Variants in RUFY4 observed in about 807,000 individuals in gnomAD.
The protein encoded by RUFY4 is RUN and FYVE domain containing 4.
In RUFY4, 73 loss-of-function variants were observed where a neutral mutation model predicts 69.0. The ratio of observed to expected loss-of-function variants is 1.06; its 90% CI spans 0.88 to 1.29. The LOEUF (loss-of-function observed/expected upper bound fraction) is 1.29. RUFY4 is among the 50% of genes most tolerant of loss of function. The pLI, the probability that RUFY4 is intolerant of heterozygous loss-of-function variation, is 0.00. For missense variants in RUFY4, 770 were observed against 705.6 expected (o/e 1.09, Z -1.03); for synonymous variants, 287 against 271.8 (o/e 1.06, Z -0.55).
intron 9 of RUFY4, among the ~76,000 whole-genome samples, chr2:218,087,510 G>A (rs6726126): frequency 0.62 from 93,740 of 151,992 alleles, 30,732 homozygotes; most frequent in African/African-American, 0.85. Flanking sequence ...ATGAAGAAAT[G>A]AATACATGAG....
intron 3 of RUFY4, chr2:218,060,527 T>C (rs1391652479): frequency 1.6e-6 from 2 of 1,288,974 alleles, no homozygotes; most frequent in Non-Finnish European, 2.3e-6. Flanking sequence ...AGAATCTCAG[T>C]GGCATCCAGG....
intron 3 of RUFY4, among the ~76,000 whole-genome samples, chr2:218,058,865 CT>C (rs1321599641): frequency 6.6e-6 from 1 of 152,176 alleles, no homozygotes; most frequent in African/African-American, 2.4e-5. Context: ...AGTCCCACCC[CT>C]GACACTCCTG....
At position 218,075,416 on chromosome 2, in the gene RUFY4, G is replaced by A. The variant is rs1262244074; in HGVS notation, c.924G>A (p.Glu308=). 1.9e-6 allele frequency: 3 copies of A among 1,612,802 alleles called. No homozygotes were observed. The Admixed American group carries it at 5.0e-5, about 27-fold the overall frequency. ...AGGGGGCTATGGGCACTCAGAAGGA[G>A]GTGATAGGGATGGAGGCTGAGGTCA... Residue 308 remains glutamate, a synonymous_variant, in exon 7 of 11, where the codon GAG becomes GAA. Coordinates refer to ENST00000344321, the Ensembl canonical transcript of RUFY4.
intron 8 of RUFY4, among the ~76,000 whole-genome samples, chr2:218,080,335 G>T (rs1464437442): frequency 6.6e-6 from 1 of 152,332 alleles, no homozygotes. Context: ...CAGAGCACAG[G>T]CTGGGGGCAG....
At chr2:218,089,719 A>G in intron 10 of RUFY4, 1 of 703,788 alleles carries the variant, frequency 1.4e-6, no homozygotes, top group Non-Finnish European at 2.6e-6. Context: ...GAGGAAAGTG[A>G]GCCACCAGGA....
At chr2:218,090,025 G>T (rs760063589) in exon 11 of RUFY4, 2 of 1,557,328 alleles carry the variant, frequency 1.3e-6, no homozygotes, top group Non-Finnish European at 8.7e-7. Flanking sequence ...CCCACCCTGC[G>T]CCCAGGGAAG....
At chr2:218,065,128 C>T (rs1246350940), upstream of RUFY4, among the ~76,000 whole-genome samples, 1 of 152,276 alleles carries the variant, frequency 6.6e-6, no homozygotes, top group Non-Finnish European at 1.5e-5. Flanking sequence ...CCATTTTCAA[C>T]GTCCTCCCAC....
intron 9 of RUFY4, among the ~76,000 whole-genome samples, chr2:218,084,319 C>T (rs1031320289): frequency 2.0e-5 from 3 of 151,888 alleles, no homozygotes; most frequent in East Asian, 1.9e-4. Context: ...GCAACCTCTG[C>T]GTCCCGGATT....
At chr2:218,088,982 T>G (rs144957386) in intron 9 of RUFY4, among the ~76,000 whole-genome samples, 193 of 152,064 alleles carry the variant, frequency 1.3e-3, no homozygotes, top group Non-Finnish European at 2.2e-3. Flanking sequence ...TCTCTCTCTC[T>G]GAGTAACCAT....
At chr2:218,088,620 G>A (rs1689948873) in intron 9 of RUFY4, among the ~76,000 whole-genome samples, 1 of 152,164 alleles carries the variant, frequency 6.6e-6, no homozygotes, top group African/African-American at 2.4e-5. Flanking sequence ...GGGCCTCTGT[G>A]ATCAGGGAAC....
intron 2 of RUFY4, among the ~76,000 whole-genome samples, chr2:218,051,214 C>G (rs562482073): frequency 6.6e-5 from 10 of 152,154 alleles, no homozygotes; most frequent in African/African-American, 2.4e-4. Context: ...TAGCTTTAAG[C>G]TTATTTATTT....
At chr2:218,056,229 GTTT>G (rs796703457) in intron 2 of RUFY4, among the ~76,000 whole-genome samples, 1 of 128,812 alleles carries the variant, frequency 7.8e-6, no homozygotes, top group Admixed American at 7.7e-5. Context: ...GCTGGTTGTT[GTTT>G]TTTTTTTTTT....
chr2:218,073,739 A>C, intron 5 of RUFY4, 77 bp from the exon 8 acceptor site: 1 of 1,515,970 alleles, frequency 6.6e-7, no homozygotes, highest in African/African-American at 1.4e-5. Flanking sequence ...TAGTGGAAAG[A>C]TGGGATACCC....
At chr2:218,084,769 G>A (rs1689852052) in intron 9 of RUFY4, among the ~76,000 whole-genome samples, 1 of 152,038 alleles carries the variant, frequency 6.6e-6, no homozygotes, top group Admixed American at 6.6e-5. Context: ...AACATGGCCG[G>A]GTGCAGTGGC....
rs1447950900 is a variant in RUFY4, at chr2:218,083,207, C to CT, written c.1453_1454insT (p.Gln485LeufsTer41). On this transcript the variant is annotated frameshift_variant, in exon 9 of 11. Coordinates refer to ENST00000344321, the Ensembl canonical transcript of RUFY4. LOFTEE classifies it high-confidence loss of function. The stretch of plus-strand genomic sequence containing the variant: ...CATGTACCAGGAGGAGCTTGGAGGG[C>CT]AGCGGGACTTGGTCCAGGCCATGAA... 1 of 1,613,054 alleles carries CT rather than the reference C, an allele frequency of 6.2e-7. No individual in the cohort carries two copies. The highest frequency in any genetic ancestry group is 8.5e-7 in the Non-Finnish European group (1 of 1,179,416).
upstream of RUFY4, chr2:218,070,379 TG>T (rs1317623634): frequency 1.7e-6 from 1 of 602,168 alleles, no homozygotes; most frequent in Non-Finnish European, 3.0e-6. Flanking sequence ...ACCCAGGGAC[TG>T]CTCAATCGGT....
intron 2 of RUFY4, among the ~76,000 whole-genome samples, chr2:218,056,283 T>G (rs922362959): frequency 1.3e-5 from 2 of 151,430 alleles, no homozygotes; most frequent in Non-Finnish European, 2.9e-5. Context: ...ATTGCCTGTC[T>G]AATCTTTGCA....
exon 9 of RUFY4, chr2:218,083,133 T>C: frequency 6.2e-7 from 1 of 1,613,460 alleles, no homozygotes; most frequent in Non-Finnish European, 8.5e-7. Context: ...AGAGCCGAGC[T>C]GCAGGCACAG....
chr2:218,052,534 G>A lies in RUFY4; in HGVS notation c.-1157-6061G>A, dbSNP rs1182347139. ...AATAGGCTTCCCATAAAGACAAGCA[G>A]TTATACTGCAGGAGGCTTTTCTTTA... On this transcript the variant is annotated intron_variant and NMD_transcript_variant, in intron 2 of 13. Transcript: ENST00000457754. Among the ~76,000 whole-genome samples, 6 of 152,148 alleles carry A rather than the reference G, an allele frequency of 3.9e-5. No individual in the cohort carries two copies. The South Asian group carries it at 1.0e-3, about 26-fold the overall frequency.
Sources: allele counts gnomAD v4.1 joint callset (sites outside exome capture counted in the v4.1 genomes callset), GRCh38; gene constraint gnomAD v4.1.1; transcripts MANE v1.5; gene names NCBI Gene and HGNC (gene_info 2026-07-23, HGNC 2026-07-21).